The following EPB41L5 variants were observed in gnomAD, a reference collection of about 807,000 sequenced individuals.
EPB41L5 encodes erythrocyte membrane protein band 4.1 like 5.
Under a neutral mutation model 106.6 loss-of-function variants are expected in EPB41L5, and 55 were observed. That is an observed-to-expected ratio of 0.52 (90% confidence interval 0.42 to 0.65). The LOEUF is 0.65. Among genes scored for constraint, EPB41L5 ranks in the 30% least tolerant of loss-of-function variants. The pLI is 0.00. For missense variants in EPB41L5, 871 were observed against 882.1 expected (o/e 0.99, Z 0.16); for synonymous variants, 297 against 306.7 (o/e 0.97, Z 0.33).
At position 120,073,180 on chromosome 2, in the gene EPB41L5, T is replaced by C. The variant is rs139293323; in HGVS notation, c.288T>C (p.His96=). ...LRFMDSAQVA[H]WLDGTKSIKK... is the part of the protein sequence containing the mutation. ...AAATTTTTGTTTTTGTTTTTCAGCA[T>C]TGGTTGGATGGTACAAAAAGCATCA... Residue 96 remains histidine, a splice_region_variant and synonymous_variant, in exon 4 of 25, where the codon CAT becomes CAC. Coordinates refer to ENST00000263713, the MANE Select transcript of EPB41L5 (RefSeq NM_020909.4). The C allele has an allele frequency of 2.3e-4, 366 of 1,603,536 alleles. 2 individuals are homozygous for C. The East Asian group carries it at 6.5e-3, about 29-fold the overall frequency.
At chr2:120,119,199 T>A (rs778286828) in intron 16 of EPB41L5, among the ~76,000 whole-genome samples, 14 of 152,196 alleles carry the variant, frequency 9.2e-5, no homozygotes, top group Non-Finnish European at 1.9e-4. Context: ...TAAATTTGTT[T>A]AAGTTCCTTG....
chr2:120,061,323 C>T (rs982144765), intron 3 of EPB41L5, among the ~76,000 whole-genome samples: 5 of 148,244 alleles, frequency 3.4e-5, no homozygotes, highest in African/African-American at 7.4e-5. Context: ...CCCGGGTTCA[C>T]GCCATTCTCC....
chr2:120,171,830 A>G (rs1687687721), intron 24 of EPB41L5, among the ~76,000 whole-genome samples: 1 of 152,322 alleles, frequency 6.6e-6, no homozygotes, highest in East Asian at 1.9e-4. Context: ...CGATTGTCAG[A>G]TATGTGAGGA....
intron 16 of EPB41L5, among the ~76,000 whole-genome samples, chr2:120,118,545 C>T (rs1487057359): frequency 6.6e-6 from 1 of 151,798 alleles, no homozygotes; most frequent in Admixed American, 6.6e-5. Flanking sequence ...GTGTGTTGTT[C>T]CCCCTTCCTT....
chr2:120,019,283 G>A lies in EPB41L5; in HGVS notation c.180+19G>A. 1.3e-6 allele frequency: 2 copies of A among 1,592,700 alleles called. No individual in the cohort carries two copies. The highest frequency in any genetic ancestry group is 1.7e-6 in the Non-Finnish European group (2 of 1,170,802). ...CTTGCCAGTAAGTAGGTCTTGCTGA[G>A]CTCCAAATTCTGTTTGCGATTACTG... On this transcript the variant is annotated intron_variant, in intron 2 of 24. Transcript: ENST00000263713.
At chr2:120,077,442 A>G in intron 9 of EPB41L5, 126 bp downstream of exon 9, 1 of 587,744 alleles carries the variant, frequency 1.7e-6, no homozygotes. Context: ...CTTTGGATGT[A>G]TGGTTAAAAA....
intron 1 of EPB41L5, 40 bp downstream of exon 1, chr2:120,013,250 G>C (rs369272985): frequency 3.3e-5 from 5 of 152,396 alleles, no homozygotes; most frequent in Non-Finnish European, 5.9e-5. Context: ...AGTACAGTCC[G>C]CTGCGCTCCT....
intron 18 of EPB41L5, among the ~76,000 whole-genome samples, chr2:120,137,049 A>G (rs1685953386): frequency 1.3e-5 from 2 of 152,118 alleles, no homozygotes; most frequent in Admixed American, 6.6e-5. Flanking sequence ...GAATAAAACT[A>G]GAAATCAATA....
chr2:120,127,862 G>A lies in EPB41L5; in HGVS notation c.1501+11G>A, dbSNP rs1158218870. 2 of 1,591,508 alleles carry A rather than the reference G, an allele frequency of 1.3e-6. No individual in the cohort carries two copies. Among genetic ancestry groups the A allele is most frequent in the Non-Finnish European group, 8.6e-7 (1 of 1,164,318 alleles). Reference sequence around the variant, plus strand: ...AAGTTGAATATGAGAGTAAGTAAATGTTCCATTATACATCAGTGATACCTT... The same window carrying A: ...AAGTTGAATATGAGAGTAAGTAAATATTCCATTATACATCAGTGATACCTT... On this transcript the variant is annotated intron_variant, in intron 17 of 24. Transcript: ENST00000263713.
chr2:120,056,222 G>T (rs532167036), intron 3 of EPB41L5, among the ~76,000 whole-genome samples: 1 of 151,028 alleles, frequency 6.6e-6, no homozygotes, highest in Non-Finnish European at 1.5e-5. Flanking sequence ...TGTTTATATG[G>T]TATGTTATGT....
intron 20 of EPB41L5, among the ~76,000 whole-genome samples, chr2:120,155,242 C>T (rs960351095): frequency 6.6e-6 from 1 of 152,110 alleles, no homozygotes; most frequent in African/African-American, 2.4e-5. Context: ...CTTAATTTCG[C>T]CTTCATTCTT....
chr2:120,046,579 A>G (rs1375201580), intron 3 of EPB41L5, among the ~76,000 whole-genome samples: 1 of 150,238 alleles, frequency 6.7e-6, no homozygotes, highest in Middle Eastern at 3.2e-3. Flanking sequence ...AGATGGGTGG[A>G]TTGCAAAAAT....
chr2:120,059,065 A>C (rs1179636131), intron 3 of EPB41L5, among the ~76,000 whole-genome samples: 1 of 152,260 alleles, frequency 6.6e-6, no homozygotes, highest in Non-Finnish European at 1.5e-5. Context: ...CTTACTATAT[A>C]GCTTTCATAA....
chr2:120,069,238 G>A (rs1322900412), intron 3 of EPB41L5, among the ~76,000 whole-genome samples: 2 of 150,302 alleles, frequency 1.3e-5, no homozygotes, highest in African/African-American at 4.9e-5. Flanking sequence ...GACAAAGAAG[G>A]GCATGGTAAA....
At chr2:120,023,141 T>C (rs967271930) in intron 2 of EPB41L5, among the ~76,000 whole-genome samples, 1 of 152,202 alleles carries the variant, frequency 6.6e-6, no homozygotes. Context: ...TGCCAGATGA[T>C]AGTTTCTTTT....
Position 120,091,637 on chromosome 2 carries a change from T to C in EPB41L5, c.1126T>C (p.Ser376Pro). 6.2e-7 allele frequency: 1 copy of C among 1,613,580 alleles called. No individual in the cohort carries two copies. Among genetic ancestry groups the C allele is most frequent in the Non-Finnish European group, 8.5e-7 (1 of 1,179,624 alleles). Reference sequence around the variant, plus strand: ...TGAAAGAAGGCCCAGCAAACGATATTCTAGACGAACTCTACAAATGAAAGG... The same window carrying C: ...TGAAAGAAGGCCCAGCAAACGATATCCTAGACGAACTCTACAAATGAAAGG... ...SFERRPSKRY[S>P]RRTLQMKACA... Residue 376 changes from serine to proline, a missense_variant, in exon 13 of 25, where the codon TCT (serine) becomes CCT (proline). Transcript: ENST00000263713.
chr2:120,026,987 G>A (rs1678365520), intron 2 of EPB41L5, among the ~76,000 whole-genome samples: 1 of 152,156 alleles, frequency 6.6e-6, no homozygotes, highest in African/African-American at 2.4e-5. Flanking sequence ...TCACAGAAAT[G>A]CAAAATAAAA....
At chr2:120,086,410 G>T (rs760138374) in intron 10 of EPB41L5, among the ~76,000 whole-genome samples, 16 of 152,110 alleles carry the variant, frequency 1.1e-4, no homozygotes, top group Non-Finnish European at 1.9e-4. Flanking sequence ...TGGAAAGCGG[G>T]CCATAAAGCG....
intron 16 of EPB41L5, among the ~76,000 whole-genome samples, chr2:120,118,688 T>C (rs971471164): frequency 3.9e-5 from 6 of 152,272 alleles, no homozygotes; most frequent in African/African-American, 1.4e-4. Flanking sequence ...TTCCTTTTTA[T>C]GACTGCGTAG....
Sources: allele counts gnomAD v4.1 joint callset (sites outside exome capture counted in the v4.1 genomes callset), GRCh38; gene constraint gnomAD v4.1.1; transcripts MANE v1.5; gene names NCBI Gene and HGNC (gene_info 2026-07-23, HGNC 2026-07-21).